Variants in CA6 observed in about 807,000 individuals in gnomAD.
CA6 encodes carbonic anhydrase 6.
A neutral mutation model predicts 35.9 loss-of-function variants in CA6; 28 were observed. The observed-to-expected ratio is 0.78, with a 90% CI of 0.58 to 1.07. CA6 has a LOEUF of 1.07. Among genes scored for constraint, CA6 ranks in the 50% least tolerant of loss-of-function variants. The pLI is 0.00. For missense variants in CA6, 377 were observed against 382.0 expected, an observed-to-expected ratio of 0.99 and a Z score of 0.11; for synonymous variants, 148 against 152.6, an observed-to-expected ratio of 0.97 and a Z score of 0.22.
Position 8,965,458 on chromosome 1 carries a change from T to C in CA6, c.572-2201T>C, listed in dbSNP as rs571609397. Among the ~76,000 whole-genome samples, 262 of 152,292 alleles carry C rather than the reference T, an allele frequency of 1.7e-3. 1 individual carries two copies. The highest frequency in any genetic ancestry group is 6.2e-3 in the African/African-American group (256 of 41,562). ...AACCACAGTTTCTGTCTCTAAGAAT[T>C]TGACTATTCTAGGTACCTCATATAA... On this transcript the variant is annotated intron_variant, in intron 5 of 7. Transcript: ENST00000377443.
Position 8,949,368 on chromosome 1 carries a change from C to G in CA6, c.185C>G (p.Ser62Cys), listed in dbSNP as rs1639459646. 6.2e-7 allele frequency: 1 copy of G among 1,613,436 alleles called. No homozygotes were observed. The highest frequency in any genetic ancestry group is 8.5e-7 in the Non-Finnish European group (1 of 1,179,644). The change falls in exon 2 of 8, where the codon TCC becomes TGC. Residue 62 changes from serine to cysteine, a missense_variant. Ser to Cys is a moderately radical substitution (Grantham distance 112). Transcript: ENST00000377443. Reference protein sequence around the residue: ...LQRTKVRYNPSLKGLNMTGYE... With the variant: ...LQRTKVRYNPCLKGLNMTGYE... ...AGGACGAAGGTGCGGTACAACCCCT[C>G]CTTGAAGGGGCTCAATATGACAGGC... is the stretch of plus-strand genomic sequence containing the variant.
intron 2 of CA6, among the ~76,000 whole-genome samples, chr1:8,952,999 T>A (rs1408422612): frequency 1.3e-5 from 2 of 152,206 alleles, no homozygotes; most frequent in Non-Finnish European, 2.9e-5. Context: ...AGCAATCATT[T>A]CAGTGTCATG....
intron 2 of CA6, among the ~76,000 whole-genome samples, chr1:8,954,123 CTTGG>C (rs1639612255): frequency 6.6e-6 from 1 of 151,616 alleles, no homozygotes; most frequent in African/African-American, 2.4e-5. Context: ...ACCAGCTGCC[CTTGG>C]GGCTGCTCTG....
intron 7 of CA6, 115 bp downstream of exon 7, chr1:8,971,096 A>G: frequency 1.3e-6 from 1 of 759,196 alleles, no homozygotes; most frequent in Non-Finnish European, 2.3e-6. Flanking sequence ...TTTCAGTAGC[A>G]AGAGGCTCAG....
intron 1 of CA6, among the ~76,000 whole-genome samples, chr1:8,947,997 A>G (rs566901543): frequency 3.3e-5 from 5 of 152,160 alleles, no homozygotes; most frequent in African/African-American, 1.2e-4. Context: ...GGCATGTGCC[A>G]CCATGCCCGG....
At chr1:8,968,304 G>C (rs1640024356) in intron 6 of CA6, among the ~76,000 whole-genome samples, 1 of 152,002 alleles carries the variant, frequency 6.6e-6, no homozygotes, top group African/African-American at 2.4e-5. Context: ...TTAGAAAAAG[G>C]TGGAAAAGAC....
chr1:8,951,414 T>C (rs1479124288), intron 2 of CA6: 17 of 760,352 alleles, frequency 2.2e-5, no homozygotes, highest in Non-Finnish European at 3.4e-5. Context: ...TACTCTCTGA[T>C]GCTTCCAGAT....
chr1:8,949,762 C>T (rs1227731217), intron 2 of CA6, among the ~76,000 whole-genome samples: 3 of 152,148 alleles, frequency 2.0e-5, no homozygotes, highest in African/African-American at 4.8e-5. Context: ...ACCCTTCCCA[C>T]GGGGGCTTTC....
intron 5 of CA6, among the ~76,000 whole-genome samples, chr1:8,964,399 C>A (rs61463560): frequency 0.25 from 37,521 of 151,816 alleles, 4,971 homozygotes; most frequent in African/African-American, 0.32. Context: ...AGGCACACAC[C>A]ACCATGCCTG....
rs973366993 is a variant in CA6, at chr1:8,970,930, A to G, written c.793A>G (p.Arg265Gly). The G allele has an allele frequency of 6.2e-7, 1 of 1,614,130 alleles. No homozygotes were observed. The highest frequency in any genetic ancestry group is 8.5e-7 in the Non-Finnish European group (1 of 1,179,976). ...RNKTIHNDYR[R>G]TQPLNHRVVE... ...CAAGACCATCCACAACGATTACCGC[A>G]GGACCCAGCCCCTGAACCACAGAGT... Residue 265 changes from arginine to glycine, a missense_variant, in exon 7 of 8, where the codon AGG becomes GGG. Arg to Gly is a moderately radical substitution (Grantham distance 125, BLOSUM62 -2). Coordinates refer to ENST00000377443, the MANE Select transcript of CA6 (RefSeq NM_001215.4).
At chr1:8,968,996 C>T (rs1640040776) in intron 6 of CA6, among the ~76,000 whole-genome samples, 1 of 149,610 alleles carries the variant, frequency 6.7e-6, no homozygotes, top group African/African-American at 2.5e-5. Flanking sequence ...CCAGCCTGGG[C>T]AACAGAGCAA....
chr1:8,948,823 A>G (rs1010559346), intron 1 of CA6, among the ~76,000 whole-genome samples: 1 of 151,984 alleles, frequency 6.6e-6, no homozygotes, highest in Admixed American at 6.5e-5. Flanking sequence ...TACAAAAATT[A>G]GCCAGGCGTG....
chr1:8,950,503 C>T (rs1639502525), intron 2 of CA6, among the ~76,000 whole-genome samples: 1 of 152,110 alleles, frequency 6.6e-6, no homozygotes, highest in African/African-American at 2.4e-5. Flanking sequence ...GCCACATCCT[C>T]CTTAGGTTCT....
intron 7 of CA6, among the ~76,000 whole-genome samples, chr1:8,973,777 T>TTTCTTTC (rs544530764): frequency 1.4e-4 from 7 of 50,496 alleles, no homozygotes; most frequent in Non-Finnish European, 2.6e-4. Context: ...TCTTTCTTTC[T>TTTCTTTC]TTCTTTCTTT....
chr1:8,956,552 C>T (rs528519912), intron 2 of CA6, among the ~76,000 whole-genome samples: 11 of 151,528 alleles, frequency 7.3e-5, no homozygotes, highest in Admixed American at 2.0e-4. Flanking sequence ...TCCAGCTACT[C>T]GGGAGGCTGA....
intron 2 of CA6, among the ~76,000 whole-genome samples, chr1:8,955,487 G>A (rs140963659): frequency 5.3e-5 from 8 of 152,216 alleles, no homozygotes; most frequent in Admixed American, 3.3e-4. Flanking sequence ...TCCGTCTCCC[G>A]GGAGCTGTGT....
intron 5 of CA6, among the ~76,000 whole-genome samples, chr1:8,965,059 C>T (rs1639935060): frequency 6.6e-6 from 1 of 152,110 alleles, no homozygotes; most frequent in Admixed American, 6.6e-5. Context: ...GTGTGGCCAA[C>T]ATGGTTGAAC....
At position 8,949,401 on chromosome 1, in the gene CA6, C is replaced by A. The variant is rs1427745707; in HGVS notation, c.218C>A (p.Thr73Asn). The A allele has an allele frequency of 6.2e-7, 1 of 1,613,264 alleles. No homozygotes were observed. Among genetic ancestry groups the A allele is most frequent in the Non-Finnish European group, 8.5e-7 (1 of 1,179,578 alleles). The part of the protein sequence containing the change: ...LKGLNMTGYE[T>N]QAGEFPMVNN... ...GGGCTCAATATGACAGGCTATGAGA[C>A]CCAGGCAGGGGAGTTCCCCATGGTC... The change falls in exon 2 of 8, where the codon ACC becomes AAC. Residue 73 changes from threonine (T) to asparagine (N), a missense_variant. Coordinates refer to ENST00000377443, the MANE Select transcript of CA6 (RefSeq NM_001215.4).
intron 7 of CA6, chr1:8,974,378 C>A (rs187434042): frequency 6.5e-5 from 99 of 1,534,726 alleles, no homozygotes; most frequent in Admixed American, 1.2e-4. Context: ...GTGGGAGAAG[C>A]CAAAATCCAA....
Sources: gnomAD v4.1 joint callset for allele counts (sites outside exome capture counted in the v4.1 genomes callset) on GRCh38, gnomAD v4.1.1 for gene constraint, MANE v1.5 for transcripts, NCBI Gene and HGNC (gene_info 2026-07-23, HGNC 2026-07-21) for gene names.